The following PCDHA4 variants were observed in gnomAD, a reference collection of about 807,000 sequenced individuals.
PCDHA4 encodes the protein protocadherin alpha-4.
In PCDHA4, 49 loss-of-function variants were observed where a neutral mutation model predicts 61.4. The observed-to-expected ratio is 0.80, with a 90% confidence interval of 0.63 to 1.01. The LOEUF is 1.01. Ranked by LOEUF, PCDHA4 falls within the 50% of genes least tolerant of loss-of-function variation. The probability of loss-of-function intolerance (pLI) is 0.00; values close to 1 mark genes in which losing one functional copy is unlikely to be tolerated. For missense variants in PCDHA4, 1,254 were observed against 1,235.8 expected, an observed-to-expected ratio of 1.01 and a Z score of -0.22; for synonymous variants, 590 against 550.3, an observed-to-expected ratio of 1.07 and a Z score of -1.01.
rs1237134609 is a variant in PCDHA4 at position 141,011,353 on chromosome 5, A to T, written c.*1416A>T. 6.5e-6 allele frequency: 1 copy of T among 153,692 alleles called. No homozygotes were observed. The highest frequency in any genetic ancestry group is 1.5e-5 in the Non-Finnish European group (1 of 68,032). The allele number at this position is 153,692 out of a possible 1,614,324, so 9.5% of individuals were successfully genotyped here. On this transcript the variant is annotated 3_prime_UTR_variant, in exon 4 of 4. Coordinates refer to ENST00000530339, the MANE Select transcript of PCDHA4 (RefSeq NM_018907.4). ...ATGTTACCTGAAATCAATCTCCCAT[A>T]TGTATGCTGTATGCTATGCTAAGAC...
chr5:140,941,191 T>TTTTTTTC lies in PCDHA4; in HGVS notation c.2386-37755_2386-37754insTTTCTTT, dbSNP rs1554213809. ...CATCTTGAACATCCTGCTTCTTTTT[T>TTTTTTTC]TTTCTTTCTTCCTTTCTTTCTTCCT... is the stretch of plus-strand genomic sequence containing the variant. On this transcript the variant is annotated intron_variant, in intron 1 of 3. Coordinates refer to ENST00000530339, the MANE Select transcript of PCDHA4 (RefSeq NM_018907.4). Among the ~76,000 whole-genome samples, 30 of 93,254 alleles carry TTTTTTTC rather than the reference T, an allele frequency of 3.2e-4. 1 individual carries two copies. Among genetic ancestry groups the TTTTTTTC allele is most frequent in the Admixed American group, 1.8e-3 (15 of 8,146 alleles). The allele number at this position is 93,254 out of a possible 152,430, so 61.2% of individuals were successfully genotyped here.
At chr5:140,902,324 C>A (rs1554190388) in intron 1 of PCDHA4, among the ~76,000 whole-genome samples, 1 of 151,472 alleles carries the variant, frequency 6.6e-6, no homozygotes, top group Non-Finnish European at 1.5e-5. Context: ...AGGTGTAACT[C>A]ACTTCGCCTG....
chr5:140,849,170 C>A lies in PCDHA4; in HGVS notation c.2385+39598C>A, dbSNP rs2150431916. 4.4e-5 allele frequency: 49 copies of A among 1,111,512 alleles called. No homozygotes were observed. The African/African-American group carries it at 7.8e-4, about 18-fold the overall frequency. 68.9% of individuals were successfully genotyped at this position (1,111,512 alleles called of 1,614,324 possible). ...GAGGCAAACCCGAGCTGACTGGCAC[C>A]GTTCAATTACTCATCACGGTACTGG... On this transcript the variant is annotated intron_variant, in intron 1 of 3. Transcript: ENST00000530339.
intron 1 of PCDHA4, chr5:140,856,165 A>T: frequency 6.3e-7 from 1 of 1,598,366 alleles, no homozygotes; most frequent in South Asian, 1.1e-5. Flanking sequence ...AGGAGGCCAG[A>T]CACGGCACCT....
At chr5:140,914,778 T>G (rs942539067) in intron 1 of PCDHA4, among the ~76,000 whole-genome samples, 1 of 152,138 alleles carries the variant, frequency 6.6e-6, no homozygotes, top group African/African-American at 2.4e-5. Flanking sequence ...ATGACTTATC[T>G]TATGACCCAT....
Position 140,808,340 on chromosome 5 carries a change from G to T in PCDHA4, c.1153G>T (p.Val385Phe), listed in dbSNP as rs782123040. The stretch of plus-strand genomic sequence containing the variant: ...CAAAGACATGGGTGTCAATGGGCTG[G>T]TCACCTGCTCCTTGACGTCCCACGT... ...SDKDMGVNGL[V>F]TCSLTSHVPF... is the part of the protein sequence containing the mutation. The change falls in exon 1 of 4, where the codon GTC becomes TTC. Residue 385 changes from valine to phenylalanine, a missense_variant. Transcript: ENST00000530339. 2 of 1,614,254 alleles carry T rather than the reference G, an allele frequency of 1.2e-6. No homozygotes were observed. Among genetic ancestry groups the T allele is most frequent in the South Asian group, 2.2e-5 (2 of 91,086 alleles).
chr5:140,882,542 C>A, intron 1 of PCDHA4: 5 of 1,614,166 alleles, frequency 3.1e-6, no homozygotes, highest in Non-Finnish European at 3.4e-6. Context: ...TCGGATCGAC[C>A]GCGAGGAGCT....
At chr5:140,959,038 A>G (rs1389837259) in intron 1 of PCDHA4, among the ~76,000 whole-genome samples, 2 of 151,994 alleles carry the variant, frequency 1.3e-5, no homozygotes, top group African/African-American at 4.8e-5. Flanking sequence ...ATGGGTATGT[A>G]TGTATAGGAA....
intron 1 of PCDHA4, chr5:140,841,712 C>T (rs1444200684): frequency 9.9e-6 from 16 of 1,613,754 alleles, no homozygotes; most frequent in Non-Finnish European, 1.4e-5. Flanking sequence ...TGACAACCCG[C>T]CAGTGTTCCG....
At chr5:141,008,582 G>A (rs1554261823) in intron 3 of PCDHA4, among the ~76,000 whole-genome samples, 1 of 152,130 alleles carries the variant, frequency 6.6e-6, no homozygotes. Context: ...CCAAGACTCA[G>A]GGCAGATTTC....
chr5:141,003,425 C>A (rs1344914063), intron 3 of PCDHA4, among the ~76,000 whole-genome samples: 1 of 152,138 alleles, frequency 6.6e-6, no homozygotes, highest in Non-Finnish European at 1.5e-5. Context: ...GATTCTTATG[C>A]CTCAGCCTCC....
chr5:140,853,320 T>G lies in PCDHA4; in HGVS notation c.2385+43748T>G, dbSNP rs375907981. 1.5e-5 allele frequency: 15 copies of G among 984,926 alleles called. 1 individual carries two copies. The highest frequency in any genetic ancestry group is 5.3e-4 in the Middle Eastern group (1 of 1,886). The allele number at this position is 984,926 out of a possible 1,614,324, so 61.0% of individuals were successfully genotyped here. On this transcript the variant is annotated intron_variant, in intron 1 of 3. Coordinates refer to ENST00000530339, the MANE Select transcript of PCDHA4 (RefSeq NM_018907.4). ...GGGCTGTGAACACCTTAGTAATAAA[T>G]TTATCTTTTGAGGTCATTAGCAAAC...
Position 140,856,846 on chromosome 5 carries a change from T to C in PCDHA4, c.2385+47274T>C. On this transcript the variant is annotated intron_variant, in intron 1 of 3. Coordinates refer to ENST00000530339, the MANE Select transcript of PCDHA4 (RefSeq NM_018907.4). Reference sequence around the variant, plus strand: ...CATTAGTAATACGGCTCAACGCTTCTGATTCGGATGAAGGAATAAACAAGG... The same window carrying C: ...CATTAGTAATACGGCTCAACGCTTCCGATTCGGATGAAGGAATAAACAAGG... 3.8e-6 allele frequency: 6 copies of C among 1,593,220 alleles called. 1 individual carries two copies. Among genetic ancestry groups the C allele is most frequent in the Non-Finnish European group, 5.2e-6 (6 of 1,163,214 alleles).
chr5:140,853,855 T>A, intron 1 of PCDHA4: 1 of 985,872 alleles, frequency 1.0e-6, no homozygotes, highest in Non-Finnish European at 1.2e-6. Flanking sequence ...TAGCCCTATT[T>A]GATACTTGAC....
chr5:140,829,165 T>G lies in PCDHA4; in HGVS notation c.2385+19593T>G, dbSNP rs141910594. The G allele has an allele frequency of 2.8e-4, 449 of 1,614,128 alleles. 1 individual carries two copies. The highest frequency in any genetic ancestry group is 5.0e-4 in the Admixed American group (30 of 60,032). ...TAGCACTGACTTCCTTATCCTTGCC[T>G]GTACGTGAAGACGCTCAATTTGGTA... On this transcript the variant is annotated intron_variant, in intron 1 of 3. Transcript: ENST00000530339.
intron 3 of PCDHA4, among the ~76,000 whole-genome samples, chr5:141,008,075 G>A (rs1002549445): frequency 2.0e-5 from 3 of 152,004 alleles, no homozygotes; most frequent in Non-Finnish European, 1.5e-5. Flanking sequence ...GAACTTATTG[G>A]GGTTATTCTA....
At chr5:140,868,451 C>T (rs917526467) in intron 1 of PCDHA4, 1 of 152,302 alleles carries the variant, frequency 6.6e-6, no homozygotes, top group African/African-American at 2.4e-5. Flanking sequence ...AACATAAACA[C>T]TAAAGAGCTG....
chr5:141,002,614 T>C (rs2098088159), intron 3 of PCDHA4, among the ~76,000 whole-genome samples: 1 of 152,130 alleles, frequency 6.6e-6, no homozygotes, highest in Non-Finnish European at 1.5e-5. Context: ...AACAGACACA[T>C]AACACAGACA....
chr5:140,888,712 A>G (rs567823119), intron 1 of PCDHA4, among the ~76,000 whole-genome samples: 34 of 152,168 alleles, frequency 2.2e-4, no homozygotes, highest in Non-Finnish European at 4.1e-4. Flanking sequence ...GGAATGTGAA[A>G]TATTTCCAGC....
Sources: allele counts gnomAD v4.1 joint callset (sites outside exome capture counted in the v4.1 genomes callset), GRCh38; gene constraint gnomAD v4.1.1; transcripts MANE v1.5; gene names NCBI Gene and HGNC (gene_info 2026-07-23, HGNC 2026-07-21).